MAGEB1: variants seen among roughly 807,000 people sequenced by gnomAD.
The protein encoded by MAGEB1 is MAGE family member B1.
For synonymous variants in MAGEB1, 99 were observed against 105.7 expected (o/e 0.94, Z 0.39); for missense variants, 290 against 286.7 (o/e 1.01, Z -0.08).
chrX:30,245,741 G>A (rs538813333), upstream of MAGEB1, among the ~76,000 whole-genome samples: 10 of 112,220 alleles, frequency 8.9e-5, no homozygotes, highest in South Asian at 1.1e-3. Context: ...AATAATACTC[G>A]GTGACAATAT....
intron 1 of MAGEB1, among the ~76,000 whole-genome samples, chrX:30,249,844 G>C (rs1925447986): frequency 9.1e-6 from 1 of 109,850 alleles, no homozygotes; most frequent in Non-Finnish European, 1.9e-5. Context: ...AACGATGCTA[G>C]CCCTGTCTCT....
chrX:30,251,070 T>C lies in MAGEB1; in HGVS notation c.577T>C (p.Trp193Arg). 8.3e-7 allele frequency: 1 copy of C among 1,210,751 alleles called. No homozygotes were observed. Among genetic ancestry groups the C allele is most frequent in the Non-Finnish European group, 1.1e-6 (1 of 894,934 alleles). ...LTNDGNLSND[W>R]DFPRNGLLMP... ...CAATGATGGAAACCTGAGCAATGAT[T>C]GGGACTTTCCCAGGAATGGGCTTCT... The change falls in exon 2 of 2, where the codon TGG becomes CGG. Residue 193 changes from tryptophan (W) to arginine (R), a missense_variant. By Grantham distance (101) the Trp-to-Arg change is moderately radical. Transcript: ENST00000397548.
chrX:30,250,606 G>T lies in MAGEB1; in HGVS notation c.113G>T (p.Cys38Phe). The change falls in exon 2 of 2, where the codon TGC becomes TTC. Residue 38 changes from cysteine to phenylalanine, a missense_variant. Cys to Phe is a radical substitution (Grantham distance 205). Coordinates refer to ENST00000397548, the MANE Select transcript of MAGEB1 (RefSeq NM_177404.3). Reference sequence around the variant, plus strand: ...GCCACTGCAGCAGAGAAAGAGGAGTGCCCCTCCTCCTCTCCTGTTTTAGGG... The same window carrying T: ...GCCACTGCAGCAGAGAAAGAGGAGTTCCCCTCCTCCTCTCCTGTTTTAGGG... ...AHATAAEKEE[C>F]PSSSPVLGDT... 8.3e-7 allele frequency: 1 copy of T among 1,208,039 alleles called. No individual in the cohort carries two copies. Among genetic ancestry groups the T allele is most frequent in the Non-Finnish European group, 1.1e-6 (1 of 893,156 alleles).
chrX:30,251,903 A>C lies in MAGEB1; in HGVS notation c.*366A>C. 6.3e-6 allele frequency: 1 copy of C among 159,861 alleles called. No individual in the cohort carries two copies. Among genetic ancestry groups the C allele is most frequent in the Admixed American group, 7.9e-5 (1 of 12,642 alleles). The allele number at this position is 159,861 out of a possible 1,213,427, so 13.2% of individuals were successfully genotyped here. A position where few individuals can be genotyped will look rare whatever the true frequency, so the allele number is the denominator to read the frequency against. On this transcript the variant is annotated 3_prime_UTR_variant, in exon 2 of 2. Coordinates refer to ENST00000397548, the MANE Select transcript of MAGEB1 (RefSeq NM_177404.3). ...TCACACAACATAATTGGAGTCTTAA[A>C]ATAGAGGAAGAGTAAGCAAAGCATG...
Position 30,250,489 on chromosome X carries a change from C to T in MAGEB1, c.-5C>T. On this transcript the variant is annotated 5_prime_UTR_variant, in exon 2 of 2. Transcript: ENST00000397548. ...TCCTGCCTGTTTTGCCTGACCACAG[C>T]CATCATGCCTCGGGGTCAGAAGAGT... 1 of 1,173,776 alleles carries T rather than the reference C, an allele frequency of 8.5e-7. No homozygotes were observed. Among genetic ancestry groups the T allele is most frequent in the East Asian group, 3.0e-5 (1 of 33,417 alleles).
chrX:30,248,541 G>T (rs1367584748), intron 1 of MAGEB1, among the ~76,000 whole-genome samples: 1 of 111,638 alleles, frequency 9.0e-6, no homozygotes, highest in Admixed American at 9.5e-5. Flanking sequence ...TTAGTACAGG[G>T]AGGAGGCCCA....
upstream of MAGEB1, among the ~76,000 whole-genome samples, chrX:30,244,982 A>C (rs1354218617): frequency 8.9e-6 from 1 of 112,221 alleles, no homozygotes; most frequent in African/African-American, 3.2e-5. Context: ...GCCAGAACCC[A>C]TTCCATTAAA....
chrX:30,251,376 G>T lies in MAGEB1; in HGVS notation c.883G>T (p.Ala295Ser). ...CGAGTTTTTGGCCAAGATGAATGGT[G>T]CCACTCCCCGTGACTTCCCATCCCA... ...VLEFLAKMNG[A>S]TPRDFPSHYE... Residue 295 changes from alanine (A) to serine (S), a missense_variant, in exon 2 of 2, where the codon GCC becomes TCC. Ala to Ser is a moderately conservative substitution (Grantham distance 99). Coordinates refer to ENST00000397548, the MANE Select transcript of MAGEB1 (RefSeq NM_177404.3). The T allele has an allele frequency of 1.7e-6, 2 of 1,211,546 alleles. No individual in the cohort carries two copies. The highest frequency in any genetic ancestry group is 2.2e-6 in the Non-Finnish European group (2 of 895,478).
At chrX:30,244,315 A>T (rs41309603), upstream of MAGEB1, 23,508 of 120,242 alleles carry the variant, frequency 0.2, 2,230 homozygotes, top group Non-Finnish European at 0.29. Context: ...AATACATTTG[A>T]CTTCCTGGTC....
intron 1 of MAGEB1, among the ~76,000 whole-genome samples, chrX:30,247,963 A>AAAAAAAAG: frequency 9.4e-6 from 1 of 106,207 alleles, no homozygotes; most frequent in Non-Finnish European, 1.9e-5. Flanking sequence ...AAAAAAAAAA[A>AAAAAAAAG]AAAAAAGTCC....
In MAGEB1 at chrX:30,250,861, A is replaced by G. The variant is rs1171780768; in HGVS notation, c.368A>G (p.Tyr123Cys). The part of the protein sequence containing the change: ...GMLMHFILRK[Y>C]KMREPIMKAD... ...CTGATGCACTTCATTCTACGTAAGT[A>G]TAAAATGAGAGAGCCCATTATGAAG... The change falls in exon 2 of 2, where the codon TAT becomes TGT. Residue 123 changes from tyrosine to cysteine, a missense_variant. By Grantham distance (194) the Tyr-to-Cys change is radical. Transcript: ENST00000397548. 14 of 1,210,614 alleles carry G rather than the reference A, an allele frequency of 1.2e-5. No individual in the cohort carries two copies. The highest frequency in any genetic ancestry group is 1.7e-5 in the African/African-American group (1 of 57,511).
intron 1 of MAGEB1, among the ~76,000 whole-genome samples, chrX:30,248,950 G>A (rs756150886): frequency 1.6e-4 from 18 of 111,258 alleles, no homozygotes; most frequent in East Asian, 5.7e-4. Flanking sequence ...CTGGATAGGC[G>A]TTAGATCAAG....
chrX:30,251,057 C>T lies in MAGEB1; in HGVS notation c.564C>T (p.Asn188=), dbSNP rs1324872148. Residue 188 remains asparagine, a synonymous_variant, in exon 2 of 2, where the codon AAC becomes AAT. Transcript: ENST00000397548. ...VSKLNLTNDG[N]LSNDWDFPRN... ...AGCTAAACCTCACCAATGATGGAAACCTGAGCAATGATTGGGACTTTCCCA... is the reference window on the plus strand; with the variant it reads ...AGCTAAACCTCACCAATGATGGAAATCTGAGCAATGATTGGGACTTTCCCA... The T allele has an allele frequency of 2.4e-5, 29 of 1,209,196 alleles. No homozygotes were observed. The highest frequency in any genetic ancestry group is 3.2e-5 in the Non-Finnish European group (29 of 894,742).
At position 30,250,701 on chromosome X, in the gene MAGEB1, G is replaced by A. The variant is rs1308055379; in HGVS notation, c.208G>A (p.Ala70Thr). 1 of 1,209,603 alleles carries A rather than the reference G, an allele frequency of 8.3e-7. No homozygotes were observed. Among genetic ancestry groups the A allele is most frequent in the Non-Finnish European group, 1.1e-6 (1 of 894,894 alleles). Residue 70 changes from alanine (A) to threonine (T), a missense_variant, in exon 2 of 2, where the codon GCT becomes ACT. Coordinates refer to ENST00000397548, the MANE Select transcript of MAGEB1 (RefSeq NM_177404.3). ...TCAGGGAGCTCCACCCACCACCACT[G>A]CTGCTGCAGCTGTGTCATGTACCGA... The part of the protein sequence containing the change: ...KPQGAPPTTT[A>T]AAAVSCTESD...
chrX:30,251,526 C>T lies in MAGEB1; in HGVS notation c.1033C>T (p.His345Tyr). The T allele has an allele frequency of 8.3e-7, 1 of 1,203,051 alleles. No individual in the cohort carries two copies. The change falls in exon 2 of 2, where the codon CAC becomes TAC. Residue 345 changes from histidine (H) to tyrosine (Y), a missense_variant. Transcript: ENST00000397548. ...RSRAPFSRSS[H>Y]PM Reference sequence around the variant, plus strand: ...TAGAGCCCCATTCAGCAGGTCCTCCCACCCCATGTGAGAACTCAGGCAGAT... The same window carrying T: ...TAGAGCCCCATTCAGCAGGTCCTCCTACCCCATGTGAGAACTCAGGCAGAT...
chrX:30,246,892 G>A (rs1361920722), upstream of MAGEB1, among the ~76,000 whole-genome samples: 1 of 112,450 alleles, frequency 8.9e-6, no homozygotes, highest in Non-Finnish European at 1.9e-5. Context: ...TGCCGCTGCT[G>A]TCAGGCCTGT....
In MAGEB1 at chrX:30,251,229, A is replaced by G. The variant is rs765259465; in HGVS notation, c.736A>G (p.Thr246Ala). 2.5e-6 allele frequency: 3 copies of G among 1,212,169 alleles called. No homozygotes were observed. In the South Asian group the frequency reaches 5.3e-5, roughly 21 times the overall value. The change falls in exon 2 of 2, where the codon ACC (threonine) becomes GCC (alanine). Residue 246 changes from threonine to alanine, a missense_variant. By Grantham distance (58) the Thr-to-Ala change is moderately conservative. Transcript: ENST00000397548. ...LIYGEPRKFI[T>A]QDLVQEKYLK... is the part of the protein sequence containing the mutation. The stretch of plus-strand genomic sequence containing the variant: ...CTATGGGGAACCCCGTAAGTTCATC[A>G]CCCAAGATCTGGTGCAGGAAAAATA...
Position 30,250,725 on chromosome X carries a change from G to A in MAGEB1, c.232G>A (p.Glu78Lys), listed in dbSNP as rs763369844. The change falls in exon 2 of 2, where the codon GAA becomes AAA. Residue 78 changes from glutamate (E) to lysine (K), a missense_variant. Physicochemically the swap from Glu to Lys is moderately conservative, Grantham distance 56. Transcript: ENST00000397548. Reference protein sequence around the residue: ...TTAAAAVSCTESDEGAKCQGE... With the variant: ...TTAAAAVSCTKSDEGAKCQGE... ...TGCTGCTGCAGCTGTGTCATGTACCGAATCTGACGAAGGTGCCAAATGCCA... is the reference window on the plus strand; with the variant it reads ...TGCTGCTGCAGCTGTGTCATGTACCAAATCTGACGAAGGTGCCAAATGCCA... The A allele has an allele frequency of 7.4e-6, 9 of 1,210,892 alleles. No individual in the cohort carries two copies. The South Asian group carries it at 8.8e-5, about 12-fold the overall frequency.
In MAGEB1 at chrX:30,251,365, A is replaced by T; in HGVS notation, c.872A>T (p.Lys291Met). The T allele has an allele frequency of 6.6e-6, 8 of 1,211,913 alleles. No individual in the cohort carries two copies. The highest frequency in any genetic ancestry group is 8.9e-6 in the Non-Finnish European group (8 of 895,533). ...ATGAAAGTCCTCGAGTTTTTGGCCAAGATGAATGGTGCCACTCCCCGTGAC... is the reference window on the plus strand; with the variant it reads ...ATGAAAGTCCTCGAGTTTTTGGCCATGATGAATGGTGCCACTCCCCGTGAC... ...TKMKVLEFLA[K>M]MNGATPRDFP... Residue 291 changes from lysine (K) to methionine (M), a missense_variant, in exon 2 of 2, where the codon AAG becomes ATG. Transcript: ENST00000397548.
Sources: gnomAD v4.1 joint callset for allele counts (sites outside exome capture counted in the v4.1 genomes callset) on GRCh38, gnomAD v4.1.1 for gene constraint, MANE v1.5 for transcripts, NCBI Gene and HGNC (gene_info 2026-07-23, HGNC 2026-07-21) for gene names.